Variants in FRMD4B observed in about 807,000 individuals in gnomAD.
FRMD4B encodes the protein FERM domain-containing protein 4B.
FRMD4B carries 74 observed loss-of-function variants against 141.5 expected under a neutral mutation model. The observed-to-expected ratio is 0.52, with a 90% CI of 0.43 to 0.63. The LOEUF (loss-of-function observed/expected upper bound fraction) is 0.63. Among genes scored for constraint, FRMD4B ranks in the 30% least tolerant of loss-of-function variants. The probability of loss-of-function intolerance (pLI) is 0.00; values close to 1 mark genes in which losing one functional copy is unlikely to be tolerated. For missense variants in FRMD4B, 1,366 were observed against 1,253.4 expected, an observed-to-expected ratio of 1.09 and a Z score of -1.36; for synonymous variants, 506 against 467.9, an observed-to-expected ratio of 1.08 and a Z score of -1.05.
At position 69,191,625 on chromosome 3, in the gene FRMD4B, C is replaced by A. The variant is rs186937607; in HGVS notation, c.1715-1673G>T. 2.7e-4 allele frequency among the ~76,000 whole-genome samples: 41 copies of A among 152,262 alleles called. 1 individual carries two copies. In the South Asian group the frequency reaches 8.1e-3, roughly 30 times the overall value. ...ACCAATCTCTAATGTTAATCTGTAT[C>A]AGAAACAAGTGAACTATCTCTATCA... is the stretch of plus-strand genomic sequence containing the variant. On this transcript the variant is annotated intron_variant, in intron 17 of 22. Transcript: ENST00000398540.
At chr3:69,304,330 A>G (rs1701317853) in intron 3 of FRMD4B, among the ~76,000 whole-genome samples, 1 of 151,870 alleles carries the variant, frequency 6.6e-6, no homozygotes, top group Non-Finnish European at 1.5e-5. Flanking sequence ...CTAAACATAC[A>G]AAAATTCACT....
At chr3:69,263,554 G>A (rs2093541883) in intron 5 of FRMD4B, among the ~76,000 whole-genome samples, 3 of 151,572 alleles carry the variant, frequency 2.0e-5, no homozygotes, top group Admixed American at 2.0e-4. Context: ...CTAAAGGTGT[G>A]TGCCACCATG....
chr3:69,198,989 G>A (rs905282069), intron 11 of FRMD4B: 17 of 509,370 alleles, frequency 3.3e-5, no homozygotes, highest in Non-Finnish European at 4.6e-5. Context: ...GATTCACCTC[G>A]GCCGGGCGCG....
intron 2 of FRMD4B, among the ~76,000 whole-genome samples, chr3:69,391,495 G>A (rs1270870558): frequency 4.0e-5 from 6 of 148,422 alleles, no homozygotes; most frequent in Admixed American, 1.4e-4. Context: ...GAGAACCTGC[G>A]CTGTTTGGTT....
chr3:69,202,300 C>T (rs538325803), intron 11 of FRMD4B, among the ~76,000 whole-genome samples: 25 of 152,202 alleles, frequency 1.6e-4, no homozygotes, highest in South Asian at 8.3e-4. Context: ...GCTAAGTATG[C>T]TTCCCATTTT....
At chr3:69,523,851 G>A (rs1575600188) in intron 1 of FRMD4B, among the ~76,000 whole-genome samples, 1 of 152,246 alleles carries the variant, frequency 6.6e-6, no homozygotes, top group Admixed American at 6.5e-5. Context: ...TCCTCCCTAA[G>A]CAGTTGGTTC....
At chr3:69,313,757 T>C (rs1483894) in intron 1 of FRMD4B, among the ~76,000 whole-genome samples, 5 of 152,148 alleles carry the variant, frequency 3.3e-5, no homozygotes, top group Admixed American at 6.5e-5. Context: ...AGTCCACCAA[T>C]TTCAAACAAT....
rs573527741 is a variant in FRMD4B, at chr3:69,348,044, G to T, written c.163-34527C>A. Among the ~76,000 whole-genome samples the T allele has an allele frequency of 1.7e-4, 26 of 152,284 alleles. No homozygotes were observed. In the South Asian group the frequency reaches 5.2e-3, roughly 30 times the overall value. ...CTTCAAAAAATCAATGAATCCAGGA[G>T]CTGGTTTTTTGAAAAGATCAACAAA... On this transcript the variant is annotated intron_variant, in intron 1 of 22. Coordinates refer to ENST00000398540, the MANE Select transcript of FRMD4B (RefSeq NM_015123.3).
chr3:69,495,160 A>G (rs1460733353), intron 1 of FRMD4B, among the ~76,000 whole-genome samples: 1 of 152,142 alleles, frequency 6.6e-6, no homozygotes, highest in Non-Finnish European at 1.5e-5. Flanking sequence ...CTAATAAACT[A>G]CAACCCCACT....
intron 2 of FRMD4B, 34 bp downstream of exon 2, chr3:69,313,403 CTACCTGGGCAAGACT>C: frequency 2.3e-6 from 3 of 1,320,286 alleles, no homozygotes; most frequent in Non-Finnish European, 3.2e-6. Context: ...AGGGTAAAAC[CTACCTGGGCAAGACT>C]TATCTGGGCA....
At chr3:69,231,066 T>C (rs1300598419) in intron 7 of FRMD4B, among the ~76,000 whole-genome samples, 1 of 152,098 alleles carries the variant, frequency 6.6e-6, no homozygotes, top group Non-Finnish European at 1.5e-5. Context: ...GGAAGCTAAG[T>C]AAGGTTGGGG....
intron 7 of FRMD4B, among the ~76,000 whole-genome samples, chr3:69,233,473 A>C (rs2093324755): frequency 1.4e-5 from 2 of 145,004 alleles, no homozygotes; most frequent in African/African-American, 2.6e-5. Context: ...ACAGAGTGAG[A>C]CCCTGTCTCA....
intron 1 of FRMD4B, among the ~76,000 whole-genome samples, chr3:69,536,979 C>T (rs1701097084): frequency 6.6e-6 from 1 of 152,130 alleles, no homozygotes; most frequent in Admixed American, 6.5e-5. Flanking sequence ...AACTCTTGGG[C>T]TCAAGGAATC....
chr3:69,216,429 CTTTTTTTTTT>C (rs397990009), intron 10 of FRMD4B, 80 bp from the exon 11 acceptor site: 5 of 381,806 alleles, frequency 1.3e-5, no homozygotes, highest in South Asian at 2.4e-5. Flanking sequence ...AATTTCACCT[CTTTTTTTTTT>C]TTTTTTTTTT....
chr3:69,478,987 G>T (rs1575816996), intron 1 of FRMD4B, among the ~76,000 whole-genome samples: 1 of 134,222 alleles, frequency 7.5e-6, no homozygotes, highest in African/African-American at 3.1e-5. Context: ...TTTGATCTTT[G>T]TTGGTTTAAA....
intron 1 of FRMD4B, chr3:69,376,996 G>A: frequency 6.6e-6 from 1 of 152,026 alleles, no homozygotes; most frequent in South Asian, 2.1e-4. Context: ...AGTCCGGAGA[G>A]TCCGTTCTTG....
At chr3:69,387,121 T>C (rs1320215542), upstream of FRMD4B, among the ~76,000 whole-genome samples, 1 of 152,186 alleles carries the variant, frequency 6.6e-6, no homozygotes, top group Non-Finnish European at 1.5e-5. Flanking sequence ...GAGTCTCGCC[T>C]ACCACCAGTC....
chr3:69,520,294 AATATATATATATGATGGAAT>A, intron 1 of FRMD4B, among the ~76,000 whole-genome samples: 1 of 103,912 alleles, frequency 9.6e-6, no homozygotes, highest in African/African-American at 5.2e-5. Flanking sequence ...TATATGATGG[AATATATATATATGATGGAAT>A]ATATATATAT....
At chr3:69,268,298 G>C (rs1197438450) in intron 5 of FRMD4B, among the ~76,000 whole-genome samples, 1 of 152,022 alleles carries the variant, frequency 6.6e-6, no homozygotes, top group Non-Finnish European at 1.5e-5. Flanking sequence ...GGCGATGCAA[G>C]ACAGGCAGGC....
Sources: allele counts gnomAD v4.1 joint callset (sites outside exome capture counted in the v4.1 genomes callset), GRCh38; gene constraint gnomAD v4.1.1; transcripts MANE v1.5; gene names NCBI Gene and HGNC (gene_info 2026-07-23, HGNC 2026-07-21).